ROBO2: variants seen among roughly 807,000 people sequenced by gnomAD.
The protein encoded by ROBO2 is roundabout homolog 2.
Under a neutral mutation model 160.8 loss-of-function variants are expected in ROBO2, and 53 were observed. That is an observed-to-expected ratio of 0.33 (90% CI 0.26 to 0.41). The LOEUF is 0.41. ROBO2 is among the 10% of genes least tolerant of loss of function. The probability of loss-of-function intolerance (pLI) is 1.00; values close to 1 mark genes in which losing one functional copy is unlikely to be tolerated. For missense variants in ROBO2, 1,577 were observed against 1,722.4 expected (o/e 0.92, Z 1.49); for synonymous variants, 664 against 611.7 (o/e 1.09, Z -1.26).
At chr3:76,650,896 G>GT (rs2091226184) in intron 2 of ROBO2, among the ~76,000 whole-genome samples, 1 of 152,160 alleles carries the variant, frequency 6.6e-6, no homozygotes, top group Admixed American at 6.5e-5. Flanking sequence ...CTAAAGTGTA[G>GT]TAAAAACATG....
intron 2 of ROBO2, among the ~76,000 whole-genome samples, chr3:77,312,135 T>G (rs2063599592): frequency 6.6e-6 from 1 of 152,300 alleles, no homozygotes; most frequent in East Asian, 1.9e-4. Flanking sequence ...TTTAAGTTTT[T>G]ATCCTTCTTG....
intron 2 of ROBO2, among the ~76,000 whole-genome samples, chr3:77,410,660 T>TTCCTCCTCCTCTTCC (rs1344937012): frequency 0.022 from 1,346 of 59,850 alleles, 180 homozygotes; most frequent in African/African-American, 0.12. Context: ...CCTCCTCTTC[T>TTCCTCCTCCTCTTCC]TCCTCCTCCT....
At chr3:76,292,629 C>T (rs1050372862) in intron 2 of ROBO2, among the ~76,000 whole-genome samples, 1 of 151,834 alleles carries the variant, frequency 6.6e-6, no homozygotes, top group African/African-American at 2.4e-5. Context: ...GGTGTTTAAA[C>T]TCAAATCATA....
At chr3:76,102,855 C>T (rs988991334) in intron 2 of ROBO2, among the ~76,000 whole-genome samples, 2 of 150,056 alleles carry the variant, frequency 1.3e-5, no homozygotes, top group East Asian at 3.9e-4. Flanking sequence ...GATGGAGTCT[C>T]ACTCTGTCGC....
At chr3:77,397,470 G>C (rs9829207) in intron 2 of ROBO2, among the ~76,000 whole-genome samples, 2 of 151,984 alleles carry the variant, frequency 1.3e-5, no homozygotes, top group East Asian at 1.9e-4. Context: ...TACCTAGAAG[G>C]CTCTGTCTCT....
intron 2 of ROBO2, among the ~76,000 whole-genome samples, chr3:77,106,145 C>T (rs989856896): frequency 2.6e-5 from 4 of 152,044 alleles, no homozygotes; most frequent in East Asian, 1.9e-4. Context: ...CAGGATCAAG[C>T]GATTCTCCCA....
chr3:76,845,636 C>T (rs111618370), intron 2 of ROBO2, among the ~76,000 whole-genome samples: 105 of 152,142 alleles, frequency 6.9e-4, no homozygotes, highest in African/African-American at 2.4e-3. Flanking sequence ...CCTGCCAATA[C>T]ATTGTGTATC....
At position 77,293,925 on chromosome 3, in the gene ROBO2, A is replaced by G. The variant is rs138796355; in HGVS notation, c.389-183489A>G. 8.5e-3 allele frequency among the ~76,000 whole-genome samples: 1,207 copies of G among 141,796 alleles called. 58 individuals are homozygous for G. Among genetic ancestry groups the G allele is most frequent in the African/African-American group, 0.025 (891 of 35,540 alleles). 93.0% of individuals were successfully genotyped at this position (141,796 alleles called of 152,430 possible). On this transcript the variant is annotated intron_variant, in intron 2 of 25. Coordinates refer to ENST00000461745, the Ensembl canonical transcript of ROBO2. ...GCTGCAGCTAGATCACCCCAGACAT[A>G]AAGTAAAATTGATGGTTAAACGGGT...
chr3:76,088,542 A>C (rs1467243541), intron 2 of ROBO2, among the ~76,000 whole-genome samples: 2 of 152,076 alleles, frequency 1.3e-5, no homozygotes, highest in Non-Finnish European at 2.9e-5. Flanking sequence ...ATGGAATTAC[A>C]CTAGGTCGAT....
intron 2 of ROBO2, among the ~76,000 whole-genome samples, chr3:76,136,521 G>T (rs1366126939): frequency 6.6e-6 from 1 of 152,060 alleles, no homozygotes. Flanking sequence ...TAAGGAAAGA[G>T]AAATGTCTAA....
chr3:76,237,978 T>G (rs189701125), intron 2 of ROBO2, among the ~76,000 whole-genome samples: 1 of 152,174 alleles, frequency 6.6e-6, no homozygotes, highest in East Asian at 1.9e-4. Context: ...ATGTGGAGAC[T>G]TGGGGTCTGA....
At chr3:77,217,269 A>C (rs1355198635) in intron 2 of ROBO2, among the ~76,000 whole-genome samples, 2 of 151,976 alleles carry the variant, frequency 1.3e-5, no homozygotes, top group Non-Finnish European at 2.9e-5. Context: ...CAGCCTCCCA[A>C]GTAGCTAAGA....
chr3:76,639,677 A>C (rs1354353679), intron 2 of ROBO2, among the ~76,000 whole-genome samples: 1 of 152,154 alleles, frequency 6.6e-6, no homozygotes, highest in East Asian at 1.9e-4. Context: ...TGGTAGAGGG[A>C]GAGAATGAAT....
intron 2 of ROBO2, among the ~76,000 whole-genome samples, chr3:76,098,842 T>C (rs2069564728): frequency 6.6e-6 from 1 of 152,172 alleles, no homozygotes. Context: ...CTGAAAGCTA[T>C]TACCTTTCAG....
chr3:76,956,837 T>C (rs1248001332), intron 2 of ROBO2, among the ~76,000 whole-genome samples: 1 of 151,950 alleles, frequency 6.6e-6, no homozygotes, highest in African/African-American at 2.4e-5. Context: ...ACCAACAAAT[T>C]TGCATTTTTG....
intron 2 of ROBO2, among the ~76,000 whole-genome samples, chr3:76,630,605 A>G (rs1181919659): frequency 2.6e-5 from 4 of 152,140 alleles, no homozygotes; most frequent in Non-Finnish European, 4.4e-5. Context: ...CTAAGAACCT[A>G]TGGATGATGT....
chr3:76,657,500 C>G (rs1411437206), intron 2 of ROBO2, among the ~76,000 whole-genome samples: 1 of 150,816 alleles, frequency 6.6e-6, no homozygotes, highest in Non-Finnish European at 1.5e-5. Flanking sequence ...AGTTCTAACA[C>G]TTTGTGAGGC....
chr3:77,021,241 G>T (rs1165933763), intron 2 of ROBO2, among the ~76,000 whole-genome samples: 2 of 152,000 alleles, frequency 1.3e-5, no homozygotes, highest in African/African-American at 4.8e-5. Flanking sequence ...CCCAAAGTAT[G>T]GTGCTGTGGC....
At chr3:77,369,277 A>G (rs1308196557) in intron 2 of ROBO2, among the ~76,000 whole-genome samples, 1 of 152,238 alleles carries the variant, frequency 6.6e-6, no homozygotes, top group Non-Finnish European at 1.5e-5. Context: ...AATTTAATGA[A>G]GTCCTCACTC....
Sources: gnomAD v4.1 joint callset for allele counts (sites outside exome capture counted in the v4.1 genomes callset) on GRCh38, gnomAD v4.1.1 for gene constraint, MANE v1.5 for transcripts, NCBI Gene and HGNC (gene_info 2026-07-23, HGNC 2026-07-21) for gene names.